NAV3: variants seen among roughly 807,000 people sequenced by gnomAD.
NAV3 encodes neuron navigator 3.
In NAV3, 87 loss-of-function variants were observed where a neutral mutation model predicts 244.7. The observed-to-expected ratio is 0.36, with a 90% CI of 0.30 to 0.42. The LOEUF (loss-of-function observed/expected upper bound fraction) is 0.42. Among genes scored for constraint, NAV3 ranks in the 20% least tolerant of loss-of-function variants. NAV3 has a pLI of 1.00. For synonymous variants in NAV3, 1,126 were observed against 1,042.2 expected (o/e 1.08, Z -1.55); for missense variants, 2,663 against 2,893.3 (o/e 0.92, Z 1.83).
chr12:77,894,003 G>T (rs1043217035), intron 1 of NAV3, among the ~76,000 whole-genome samples: 2 of 152,220 alleles, frequency 1.3e-5, no homozygotes, highest in African/African-American at 4.8e-5. Flanking sequence ...TTTCAGTGAG[G>T]TTACCTTCCT....
chr12:78,190,992 G>A (rs527608858), intron 34 of NAV3, among the ~76,000 whole-genome samples: 4 of 151,988 alleles, frequency 2.6e-5, no homozygotes, highest in African/African-American at 4.8e-5. Flanking sequence ...AGTTTCTGTC[G>A]GGAAAATGCA....
At chr12:77,828,491 T>G (rs990982704), upstream of NAV3, among the ~76,000 whole-genome samples, 3 of 152,182 alleles carry the variant, frequency 2.0e-5, no homozygotes, top group Non-Finnish European at 4.4e-5. Flanking sequence ...TCTGGTTTGT[T>G]GAACTCAGTT....
At chr12:77,685,511 C>CACACACA in intron 2 of NAV3, among the ~76,000 whole-genome samples, 2 of 11,968 alleles carry the variant, frequency 1.7e-4, no homozygotes, top group Admixed American at 9.6e-4. Context: ...ACACACATAC[C>CACACACA]CACACGCACA....
rs530023285 is a variant in NAV3, at chr12:78,023,724, A to C, written c.2023+1862A>C. On this transcript the variant is annotated intron_variant, in intron 9 of 39. Coordinates refer to ENST00000397909, the MANE Select transcript of NAV3 (RefSeq NM_001024383.2). ...TACTATAATTGAAGAAATTTAGATGAGGAAATATGAGCAGGCCAGTGATAA... is the reference window on the plus strand; with the variant it reads ...TACTATAATTGAAGAAATTTAGATGCGGAAATATGAGCAGGCCAGTGATAA... Among the ~76,000 whole-genome samples the C allele has an allele frequency of 8.5e-5, 13 of 152,340 alleles. No homozygotes were observed. In the South Asian group the frequency reaches 2.7e-3, roughly 32 times the overall value.
chr12:77,816,830 T>C (rs1038460893), intron 2 of NAV3, among the ~76,000 whole-genome samples: 2 of 152,196 alleles, frequency 1.3e-5, no homozygotes, highest in Non-Finnish European at 2.9e-5. Flanking sequence ...ACTTTATGTT[T>C]TAGCTCAATT....
At chr12:77,707,987 A>T (rs1875911893) in intron 2 of NAV3, among the ~76,000 whole-genome samples, 1 of 151,794 alleles carries the variant, frequency 6.6e-6, no homozygotes, top group South Asian at 2.1e-4. Context: ...GATTGCAAAA[A>T]TTTTCTCCCA....
chr12:78,141,631 G>A (rs1244078628), intron 20 of NAV3, among the ~76,000 whole-genome samples: 2 of 152,160 alleles, frequency 1.3e-5, no homozygotes, highest in African/African-American at 4.8e-5. Flanking sequence ...ATTGGCAGAG[G>A]TAATATTTTT....
chr12:78,006,797 C>G lies in NAV3; in HGVS notation c.1259C>G (p.Ser420Cys), dbSNP rs770856490. 1 of 1,614,168 alleles carries G rather than the reference C, an allele frequency of 6.2e-7. No homozygotes were observed. The highest frequency in any genetic ancestry group is 1.1e-5 in the South Asian group (1 of 91,084). ...AAGGATGATGATGCCTTTTCTGAAT[C>G]TGGTGAAATGGAAGGTTTTAACAGT... Reference protein sequence around the residue: ...GGKDDDAFSESGEMEGFNSGL... With the variant: ...GGKDDDAFSECGEMEGFNSGL... Residue 420 changes from serine (S) to cysteine (C), a missense_variant, in exon 8 of 40, where the codon TCT (serine) becomes TGT (cysteine). Transcript: ENST00000397909.
chr12:77,797,524 G>GTTTTTTTTTT (rs33912743), intron 2 of NAV3, among the ~76,000 whole-genome samples: 1 of 100,586 alleles, frequency 9.9e-6, no homozygotes. Context: ...TCTTTAAAAA[G>GTTTTTTTTTT]TTTTTTTTTT....
chr12:77,921,576 A>G (rs144931677), intron 1 of NAV3, among the ~76,000 whole-genome samples: 1,609 of 152,170 alleles, frequency 0.011, 10 homozygotes, highest in Non-Finnish European at 0.013. Context: ...AGATTGTCTT[A>G]TGATAAGTTT....
chr12:77,863,469 C>A lies in NAV3; in HGVS notation c.243+31765C>A, dbSNP rs182066111. On this transcript the variant is annotated intron_variant, in intron 1 of 39. Coordinates refer to ENST00000397909, the MANE Select transcript of NAV3 (RefSeq NM_001024383.2). ...TTTGAAGTCTTCATAATTATTTCAG[C>A]TATTATTTCCTATAATATAAATAAA... Among the ~76,000 whole-genome samples the A allele has an allele frequency of 4.6e-4, 70 of 151,814 alleles. 2 individuals carry two copies. The highest frequency in any genetic ancestry group is 3.4e-3 in the Middle Eastern group (1 of 294).
At chr12:78,124,354 A>C (rs1199092560) in intron 16 of NAV3, among the ~76,000 whole-genome samples, 1 of 152,240 alleles carries the variant, frequency 6.6e-6, no homozygotes, top group Non-Finnish European at 1.5e-5. Context: ...ATGGAAATAC[A>C]CTAGAAAATA....
chr12:77,702,592 T>A (rs1336812313), intron 2 of NAV3, among the ~76,000 whole-genome samples: 2 of 152,002 alleles, frequency 1.3e-5, no homozygotes, highest in Non-Finnish European at 2.9e-5. Flanking sequence ...TTACTTTTTG[T>A]TTTTTGCTCT....
intron 2 of NAV3, among the ~76,000 whole-genome samples, chr12:77,739,625 T>G (rs572899542): frequency 3.3e-4 from 51 of 152,280 alleles, no homozygotes; most frequent in Admixed American, 6.5e-4. Flanking sequence ...AATTGTACCT[T>G]ACTGATTTAA....
At chr12:78,102,975 C>T (rs1348694983) in intron 12 of NAV3, among the ~76,000 whole-genome samples, 1 of 152,190 alleles carries the variant, frequency 6.6e-6, no homozygotes, top group Non-Finnish European at 1.5e-5. Flanking sequence ...AGACCTATGA[C>T]ATGCCCTGGA....
chr12:77,685,009 C>A (rs1874652173), intron 2 of NAV3, among the ~76,000 whole-genome samples: 1 of 152,098 alleles, frequency 6.6e-6, no homozygotes, highest in African/African-American at 2.4e-5. Flanking sequence ...TATCCTAATA[C>A]CAATGTCACA....
chr12:77,871,093 T>C (rs745530269), intron 1 of NAV3, among the ~76,000 whole-genome samples: 5 of 152,158 alleles, frequency 3.3e-5, no homozygotes, highest in Non-Finnish European at 7.3e-5. Context: ...AATCTAAGCA[T>C]TTACAAGGGA....
chr12:77,887,519 C>T (rs190371756), intron 1 of NAV3, among the ~76,000 whole-genome samples: 13 of 152,134 alleles, frequency 8.5e-5, no homozygotes, highest in Admixed American at 7.9e-4. Flanking sequence ...TTGTTTTTCT[C>T]CACTAGATTA....
intron 20 of NAV3, among the ~76,000 whole-genome samples, chr12:78,141,596 C>T (rs918300805): frequency 6.6e-6 from 1 of 152,138 alleles, no homozygotes; most frequent in Non-Finnish European, 1.5e-5. Context: ...TACTGCCTTA[C>T]ATAGTCATTC....
Sources: allele counts gnomAD v4.1 joint callset (sites outside exome capture counted in the v4.1 genomes callset), GRCh38; gene constraint gnomAD v4.1.1; transcripts MANE v1.5; gene names NCBI Gene and HGNC (gene_info 2026-07-23, HGNC 2026-07-21).